SGF29: variants seen among roughly 807,000 people sequenced by gnomAD.
SGF29 encodes SAGA complex associated factor 29, also known as SAGA-associated factor 29.
Under a neutral mutation model 38.1 loss-of-function variants are expected in SGF29, and 15 were observed. The observed-to-expected ratio is 0.39, with a 90% CI of 0.26 to 0.61. The LOEUF (loss-of-function observed/expected upper bound fraction) is 0.61. SGF29 is among the 20% of genes least tolerant of loss of function. The pLI is 0.49. For synonymous variants in SGF29, 151 were observed against 160.8 expected (o/e 0.94, Z 0.46); for missense variants, 184 against 394.6 (o/e 0.47, Z 4.52).
intron 1 of SGF29, among the ~76,000 whole-genome samples, chr16:28,564,549 A>ATGTGTG: frequency 2.4e-5 from 2 of 84,894 alleles, no homozygotes; most frequent in East Asian, 5.5e-4. Flanking sequence ...GTATATATAT[A>ATGTGTG]CGTATATATA....
chr16:28,585,580 A>T, intron 3 of SGF29, 68 bp from the exon 4 acceptor site: 3 of 1,348,064 alleles, frequency 2.2e-6, no homozygotes, highest in Non-Finnish European at 3.2e-6. Context: ...ATTCCGGTGC[A>T]TGGAAGCAGT....
Position 28,590,471 on chromosome 16 carries a change from T to C in SGF29, c.566+29T>C. ...AGTGACACCAACCCTGGGGCTGCTC[T>C]CTGGTCACCGAACTTGCCTGGGCTA... On this transcript the variant is annotated intron_variant, in intron 7 of 9. Transcript: ENST00000317058. The surrounding 1 kb of genome is among the most constrained non-coding windows in gnomAD (Gnocchi z 8.2). The C allele has an allele frequency of 6.2e-7, 1 of 1,613,864 alleles. No homozygotes were observed. The highest frequency in any genetic ancestry group is 8.5e-7 in the Non-Finnish European group (1 of 1,179,838).
intron 1 of SGF29, among the ~76,000 whole-genome samples, chr16:28,578,250 G>A (rs962919544): frequency 4.0e-5 from 6 of 151,700 alleles, no homozygotes; most frequent in African/African-American, 1.5e-4. Flanking sequence ...GATTCCTTAG[G>A]GTTTTCTATA....
chr16:28,579,931 C>CA (rs879412873), intron 1 of SGF29, among the ~76,000 whole-genome samples: 82 of 137,308 alleles, frequency 6.0e-4, no homozygotes, highest in South Asian at 9.3e-4. Flanking sequence ...ACTCCCGTCT[C>CA]AAAAAAAAAA....
At chr16:28,560,445 T>A (rs1325516757) in intron 1 of SGF29, among the ~76,000 whole-genome samples, 1 of 150,718 alleles carries the variant, frequency 6.6e-6, no homozygotes, top group Non-Finnish European at 1.5e-5. Flanking sequence ...TAAAATTAGC[T>A]GGACGTGGTG....
At chr16:28,556,958 C>T (rs1272129892) in intron 1 of SGF29, among the ~76,000 whole-genome samples, 3 of 152,174 alleles carry the variant, frequency 2.0e-5, no homozygotes, top group Admixed American at 2.0e-4. Flanking sequence ...TGCAGATTCT[C>T]ATTGCTAGTG....
Position 28,589,136 on chromosome 16 carries a change from C to G in SGF29, c.261C>G (p.Ile87Met). 2.5e-6 allele frequency: 4 copies of G among 1,614,202 alleles called. No homozygotes were observed. The highest frequency in any genetic ancestry group is 3.4e-6 in the Non-Finnish European group (4 of 1,180,008). Residue 87 changes from isoleucine to methionine, a missense_variant, in exon 5 of 10, where the codon ATC (isoleucine) becomes ATG (methionine). By Grantham distance (10) the Ile-to-Met change is conservative. Coordinates refer to ENST00000317058, the MANE Select transcript of SGF29 (RefSeq NM_138414.3). ...AAGCTCTGGACAAGATCGCGGAAAT[C>G]AAGTCTCTGTTGGAAGAGAGGCGGA... is the stretch of plus-strand genomic sequence containing the variant. ...LRKALDKIAE[I>M]KSLLEERRIA...
chr16:28,566,338 C>T (rs1458135402), intron 1 of SGF29, among the ~76,000 whole-genome samples: 1 of 151,606 alleles, frequency 6.6e-6, no homozygotes, highest in South Asian at 2.1e-4. Flanking sequence ...CTTAACCCTG[C>T]CTAGGAGACT....
intron 3 of SGF29, 150 bp from the exon 4 acceptor site, chr16:28,585,498 C>A (rs373948279): frequency 4.3e-6 from 3 of 693,336 alleles, no homozygotes; most frequent in Non-Finnish European, 5.2e-6. Flanking sequence ...TGGGGGCATC[C>A]GCCTCAGGAG....
At chr16:28,576,564 G>A (rs2046895390) in intron 1 of SGF29, among the ~76,000 whole-genome samples, 1 of 152,084 alleles carries the variant, frequency 6.6e-6, no homozygotes, top group Admixed American at 6.6e-5. Context: ...AGCCAGCGTG[G>A]TGATGGGTGC....
chr16:28,559,237 C>G (rs2046771136), intron 1 of SGF29, among the ~76,000 whole-genome samples: 1 of 152,104 alleles, frequency 6.6e-6, no homozygotes, highest in Non-Finnish European at 1.5e-5. Flanking sequence ...GGAGGATTGA[C>G]TGAGCCAAAG....
rs1272840427 is a variant in SGF29, at chr16:28,581,200, C to T, written c.75+56C>T. The T allele has an allele frequency of 1.1e-5, 17 of 1,513,104 alleles. No individual in the cohort carries two copies. The Middle Eastern group carries it at 8.5e-4, about 76-fold the overall frequency. The allele number at this position is 1,513,104 out of a possible 1,614,324, so 93.7% of individuals were successfully genotyped here. A position where few individuals can be genotyped will look rare whatever the true frequency, so the allele number is the denominator to read the frequency against. On this transcript the variant is annotated intron_variant, in intron 2 of 9. Transcript: ENST00000317058. ...GGGAACATGGGCTTTGATGCTGAGC[C>T]GTGAAGTGGGGGTGGCATTTGTGTT...
intron 1 of SGF29, among the ~76,000 whole-genome samples, chr16:28,572,636 AGT>A (rs2046871617): frequency 6.6e-6 from 1 of 152,170 alleles, no homozygotes; most frequent in African/African-American, 2.4e-5. Flanking sequence ...GCAAGAGAAA[AGT>A]GTGCTTCTTT....
chr16:28,580,369 C>A (rs2046918216), intron 1 of SGF29, among the ~76,000 whole-genome samples: 1 of 152,128 alleles, frequency 6.6e-6, no homozygotes, highest in Admixed American at 6.6e-5. Context: ...GGCCATAATT[C>A]CAAAATCAAG....
At chr16:28,584,133 C>A (rs573211976) in intron 2 of SGF29, among the ~76,000 whole-genome samples, 19 of 151,498 alleles carry the variant, frequency 1.3e-4, no homozygotes, top group Non-Finnish European at 2.5e-4. Context: ...TAGGACTATA[C>A]GCACATGCTA....
At chr16:28,589,854 T>G (rs71391316) in intron 5 of SGF29, among the ~76,000 whole-genome samples, 3,367 of 152,298 alleles carry the variant, frequency 0.022, 59 homozygotes, top group Non-Finnish European at 0.036. Flanking sequence ...GAACCCGCTT[T>G]CTTTCTTCTG....
chr16:28,559,665 C>T (rs1436602140), intron 1 of SGF29, among the ~76,000 whole-genome samples: 5 of 152,060 alleles, frequency 3.3e-5, no homozygotes, highest in Admixed American at 6.6e-5. Flanking sequence ...TGTGAGCCAC[C>T]GCACCCGGCC....
At chr16:28,559,224 G>T (rs2151640955) in intron 1 of SGF29, among the ~76,000 whole-genome samples, 3 of 152,272 alleles carry the variant, frequency 2.0e-5, no homozygotes, top group Middle Eastern at 6.8e-3. Flanking sequence ...GGAGGCTGGG[G>T]CAGGAGGATT....
At chr16:28,570,776 C>T (rs759606546) in intron 1 of SGF29, among the ~76,000 whole-genome samples, 1 of 151,928 alleles carries the variant, frequency 6.6e-6, no homozygotes, top group Non-Finnish European at 1.5e-5. Flanking sequence ...CAGGGTTTCA[C>T]CATGTTGGCC....
Sources: gnomAD v4.1 joint callset for allele counts (sites outside exome capture counted in the v4.1 genomes callset) on GRCh38, gnomAD v4.1.1 for gene constraint, Gnocchi (gnomAD v3.1) non-coding constraint, MANE v1.5 for transcripts, NCBI Gene and HGNC (gene_info 2026-07-23, HGNC 2026-07-21) for gene names.